The following TXLNB variants were observed in gnomAD, a reference collection of about 807,000 sequenced individuals.
The protein encoded by TXLNB is taxilin beta.
A neutral mutation model predicts 57.4 loss-of-function variants in TXLNB; 37 were observed. That is an observed-to-expected ratio of 0.64 (90% CI 0.50 to 0.85). The LOEUF (loss-of-function observed/expected upper bound fraction) is 0.85, where lower values mean the gene tolerates loss of function less well. TXLNB is among the 40% of genes least tolerant of loss of function. The pLI is 0.00. For missense variants in TXLNB, 848 were observed against 825.6 expected (o/e 1.03, Z -0.33); for synonymous variants, 302 against 309.6 (o/e 0.98, Z 0.26).
upstream of TXLNB, among the ~76,000 whole-genome samples, chr6:139,293,736 T>C (rs1159023653): frequency 2.0e-5 from 3 of 152,062 alleles, no homozygotes; most frequent in Non-Finnish European, 4.4e-5. Flanking sequence ...AAGTTATATA[T>C]AGATGAGTGC....
intron 2 of TXLNB, among the ~76,000 whole-genome samples, chr6:139,277,570 G>A (rs1281169471): frequency 6.6e-6 from 1 of 152,038 alleles, no homozygotes; most frequent in Non-Finnish European, 1.5e-5. Flanking sequence ...ATTATAGAAG[G>A]AAAACCAAGT....
chr6:139,191,922 TC>T, the TXLNB span, among the ~76,000 whole-genome samples: 2 of 152,172 alleles, frequency 1.3e-5, no homozygotes, highest in Non-Finnish European at 2.9e-5. Context: ...AAGCTGGAGT[TC>T]CTAACATCCC....
the TXLNB span, among the ~76,000 whole-genome samples, chr6:139,200,772 T>A: frequency 6.6e-6 from 1 of 152,204 alleles, no homozygotes; most frequent in Admixed American, 6.5e-5. Flanking sequence ...CTAAATTTCA[T>A]GACCTAGTGT....
chr6:139,322,478 C>A, the TXLNB span, among the ~76,000 whole-genome samples: 184 of 152,264 alleles, frequency 1.2e-3, no homozygotes, highest in African/African-American at 4.2e-3. Flanking sequence ...GAACTAAACA[C>A]CTCCCATTAG....
At chr6:139,172,337 T>C in the TXLNB span, among the ~76,000 whole-genome samples, 2 of 152,210 alleles carry the variant, frequency 1.3e-5, no homozygotes, top group Non-Finnish European at 2.9e-5. Context: ...TTGCACAGCA[T>C]GCGGGGCTGA....
At chr6:139,266,630 G>C (rs1237099744) in intron 4 of TXLNB, among the ~76,000 whole-genome samples, 2 of 152,150 alleles carry the variant, frequency 1.3e-5, no homozygotes, top group Non-Finnish European at 2.9e-5. Context: ...TACACACACA[G>C]AGTTAGAATC....
intron 7 of TXLNB, among the ~76,000 whole-genome samples, chr6:139,249,724 C>T (rs1159257745): frequency 1.3e-5 from 2 of 152,140 alleles, no homozygotes; most frequent in Non-Finnish European, 2.9e-5. Context: ...AGAGATTTTA[C>T]TGCAGTAGAC....
At chr6:139,280,251 T>TAAAAAAAAAAAAAA (rs11313271) in intron 2 of TXLNB, among the ~76,000 whole-genome samples, 1 of 78,214 alleles carries the variant, frequency 1.3e-5, no homozygotes, top group Non-Finnish European at 2.6e-5. Flanking sequence ...ACTCTCTCTC[T>TAAAAAAAAAAAAAA]AAAAAAAAAA....
intron 7 of TXLNB, among the ~76,000 whole-genome samples, chr6:139,249,871 C>T (rs1324705208): frequency 3.9e-5 from 6 of 152,058 alleles, no homozygotes; most frequent in African/African-American, 1.4e-4. Flanking sequence ...TTCCTTGACA[C>T]ACAGATTAAA....
chr6:139,231,671 T>A, the TXLNB span, among the ~76,000 whole-genome samples: 2 of 152,122 alleles, frequency 1.3e-5, no homozygotes, highest in African/African-American at 4.8e-5. Flanking sequence ...AACTTCATAA[T>A]CTCTTGAGAT....
chr6:139,170,903 A>G, the TXLNB span, among the ~76,000 whole-genome samples: 1 of 152,064 alleles, frequency 6.6e-6, no homozygotes, highest in Non-Finnish European at 1.5e-5. Context: ...TGTGGACAGA[A>G]TGGAAGGGAG....
chr6:139,267,879 G>A (rs1353274473), intron 4 of TXLNB, among the ~76,000 whole-genome samples: 1 of 152,172 alleles, frequency 6.6e-6, no homozygotes, highest in Non-Finnish European at 1.5e-5. Context: ...CTGGTCGGGC[G>A]TGGTGGCTCA....
the TXLNB span, among the ~76,000 whole-genome samples, chr6:139,297,320 G>A: frequency 3.9e-5 from 6 of 152,202 alleles, no homozygotes; most frequent in South Asian, 6.2e-4. Flanking sequence ...CACTGTAGCA[G>A]TCCAGTAATG....
the TXLNB span, among the ~76,000 whole-genome samples, chr6:139,301,516 G>A: frequency 6.6e-6 from 1 of 152,134 alleles, no homozygotes; most frequent in Admixed American, 6.6e-5. Flanking sequence ...CTCTAGAACT[G>A]CCAGGAAATC....
the TXLNB span, among the ~76,000 whole-genome samples, chr6:139,159,808 G>A: frequency 5.9e-5 from 9 of 152,206 alleles, no homozygotes; most frequent in African/African-American, 1.4e-4. Context: ...AGCCTCATAT[G>A]ACTTAAGAAG....
At chr6:139,245,948 C>T (rs1776057155) in intron 8 of TXLNB, among the ~76,000 whole-genome samples, 1 of 152,172 alleles carries the variant, frequency 6.6e-6, no homozygotes, top group African/African-American at 2.4e-5. Flanking sequence ...CCGCCTCAGC[C>T]TCCCAAAATG....
chr6:139,282,576 C>T lies in TXLNB; in HGVS notation c.425-5655G>A, dbSNP rs886962945. On this transcript the variant is annotated intron_variant, in intron 2 of 9. Coordinates refer to ENST00000358430, the MANE Select transcript of TXLNB (RefSeq NM_153235.4). ...TGGGCAACAGAGTGAGACTTTGTCT[C>T]AAAAAATAAAGGAAGACTATGTAAA... Among the ~76,000 whole-genome samples, 5 of 144,840 alleles carry T rather than the reference C, an allele frequency of 3.5e-5. 1 individual carries two copies. Among genetic ancestry groups the T allele is most frequent in the Non-Finnish European group, 7.7e-5 (5 of 65,196 alleles).
chr6:139,274,998 A>C (rs1195707325), intron 3 of TXLNB, among the ~76,000 whole-genome samples: 1 of 152,206 alleles, frequency 6.6e-6, no homozygotes, highest in Non-Finnish European at 1.5e-5. Context: ...TTAATAGCCA[A>C]TGCAATACAA....
chr6:139,204,961 G>A, the TXLNB span, among the ~76,000 whole-genome samples: 38 of 152,252 alleles, frequency 2.5e-4, no homozygotes, highest in African/African-American at 8.9e-4. Context: ...GGCAAGCCCT[G>A]CCCAAGGAGA....
Sources: gnomAD v4.1 joint callset for allele counts (sites outside exome capture counted in the v4.1 genomes callset) on GRCh38, gnomAD v4.1.1 for gene constraint, MANE v1.5 for transcripts, NCBI Gene and HGNC (gene_info 2026-07-23, HGNC 2026-07-21) for gene names.